The following SH2B2 variants were observed in gnomAD, a reference collection of about 807,000 sequenced individuals.
SH2B2 encodes the protein SH2B adapter protein 2.
Under a neutral mutation model 35.7 loss-of-function variants are expected in SH2B2, and 37 were observed. That is an observed-to-expected ratio of 1.04 (90% CI 0.80 to 1.36). The LOEUF (loss-of-function observed/expected upper bound fraction) is 1.36. Among genes scored for constraint, SH2B2 ranks in the 40% most tolerant of loss-of-function variants. The pLI is 0.00. For missense variants in SH2B2, 852 were observed against 817.7 expected (o/e 1.04, Z -0.51); for synonymous variants, 383 against 376.4 (o/e 1.02, Z -0.20).
intron 1 of SH2B2, among the ~76,000 whole-genome samples, chr7:102,298,442 T>G (rs1332950637): frequency 1.3e-5 from 2 of 152,012 alleles, no homozygotes; most frequent in East Asian, 3.8e-4. Context: ...TGTTGTTGTT[T>G]TTGAGACAGA....
chr7:102,310,746 C>T (rs560559601), intron 4 of SH2B2, among the ~76,000 whole-genome samples: 41 of 152,350 alleles, frequency 2.7e-4, no homozygotes, highest in African/African-American at 8.9e-4. Flanking sequence ...CCTCCTCCAC[C>T]GCCCTCCGGA....
chr7:102,319,449 A>G lies in SH2B2; in HGVS notation c.1396-882A>G, dbSNP rs144113062. On this transcript the variant is annotated intron_variant, in intron 7 of 8. Transcript: ENST00000444095. ...TGGGGGGTATCTCACCATGTTGGCC[A>G]GGCTGGTCTTGAACTCCTGACCTCC... Among the ~76,000 whole-genome samples, 12 of 152,244 alleles carry G rather than the reference A, an allele frequency of 7.9e-5. No homozygotes were observed. The East Asian group carries it at 2.1e-3, about 27-fold the overall frequency.
At chr7:102,320,539 G>C (rs782384082) in intron 8 of SH2B2, 37 bp downstream of exon 8, 35 of 1,599,128 alleles carry the variant, frequency 2.2e-5, no homozygotes. Context: ...GATTACTCAA[G>C]AAGACTTCCC....
At chr7:102,299,222 G>A (rs1586575680) in intron 1 of SH2B2, among the ~76,000 whole-genome samples, 1 of 26,754 alleles carries the variant, frequency 3.7e-5, no homozygotes, top group Admixed American at 4.3e-4. Flanking sequence ...TTTTTGAGGT[G>A]GAGTCTGGCT....
intron 4 of SH2B2, among the ~76,000 whole-genome samples, chr7:102,312,510 G>A (rs1255793239): frequency 6.6e-6 from 1 of 152,212 alleles, no homozygotes; most frequent in African/African-American, 2.4e-5. Flanking sequence ...AGCCAGGCCT[G>A]TCTGTCCAGA....
At chr7:102,290,561 G>A (rs1554551627) in intron 1 of SH2B2, among the ~76,000 whole-genome samples, 2 of 152,096 alleles carry the variant, frequency 1.3e-5, no homozygotes, top group South Asian at 2.1e-4. Context: ...CACTGCACCC[G>A]GCCTCCCCTC....
intron 4 of SH2B2, 35 bp downstream of exon 4, chr7:102,308,941 G>A (rs1793508973): frequency 1.3e-6 from 2 of 1,535,980 alleles, no homozygotes; most frequent in African/African-American, 2.7e-5. Context: ...TGGGTGGACA[G>A]GCTGGGTATA....
At chr7:102,309,216 C>T in intron 4 of SH2B2, 1 of 537,822 alleles carries the variant, frequency 1.9e-6, no homozygotes, top group Non-Finnish European at 3.6e-6. Flanking sequence ...GGCAGTGAGT[C>T]CCCAAAGGGC....
intron 1 of SH2B2, among the ~76,000 whole-genome samples, chr7:102,298,577 C>A (rs1563551220): frequency 2.0e-5 from 3 of 152,046 alleles, no homozygotes; most frequent in Non-Finnish European, 4.4e-5. Flanking sequence ...ACATTCAGAT[C>A]AACTTTTTTT....
chr7:102,295,145 C>A (rs1356287978), intron 1 of SH2B2, among the ~76,000 whole-genome samples: 1 of 152,150 alleles, frequency 6.6e-6, no homozygotes, highest in Non-Finnish European at 1.5e-5. Flanking sequence ...GGAGGAAGAG[C>A]TGGGGGCGAC....
At chr7:102,306,507 A>G (rs1230578197) in intron 2 of SH2B2, among the ~76,000 whole-genome samples, 1 of 152,204 alleles carries the variant, frequency 6.6e-6, no homozygotes, top group African/African-American at 2.4e-5. Context: ...TACAGGCATG[A>G]GCCACCATGC....
rs1554558189 is a variant in SH2B2, at chr7:102,320,482, G to A, written c.1547G>A (p.Arg516Gln). 28 of 1,613,420 alleles carry A rather than the reference G, an allele frequency of 1.7e-5. No homozygotes were observed. The highest frequency in any genetic ancestry group is 2.1e-5 in the Non-Finnish European group (25 of 1,179,792). Reference protein sequence around the residue: ...SADITLRSYVRAQDPPPEPGP... With the variant: ...SADITLRSYVQAQDPPPEPGP... The stretch of plus-strand genomic sequence containing the variant: ...GACATCACCCTTCGCAGCTATGTGC[G>A]GGCCCAGGACCCCCCACCAGGTAAG... The change falls in exon 8 of 9, where the codon CGG becomes CAG. Residue 516 changes from arginine (R) to glutamine (Q), a missense_variant. By Grantham distance (43) the Arg-to-Gln change is conservative (BLOSUM62 1). Transcript: ENST00000444095.
chr7:102,315,735 C>T (rs537148319), intron 6 of SH2B2, among the ~76,000 whole-genome samples: 1 of 93,622 alleles, frequency 1.1e-5, no homozygotes, highest in Admixed American at 1.7e-4. Context: ...GAGAGAGACC[C>T]TGTGAAAAGA....
At chr7:102,313,997 G>A (rs1028163195) in intron 4 of SH2B2, among the ~76,000 whole-genome samples, 48 of 152,344 alleles carry the variant, frequency 3.2e-4, no homozygotes, top group African/African-American at 1.2e-3. Context: ...TGGGAAAAAG[G>A]GACTTTTGTT....
intron 1 of SH2B2, among the ~76,000 whole-genome samples, chr7:102,299,197 C>CATTTTTTTTTTT (rs1793047383): frequency 4.1e-5 from 1 of 24,630 alleles, no homozygotes; most frequent in Non-Finnish European, 6.9e-5. Context: ...CCGCGCCTGG[C>CATTTTTTTTTTT]TTTTTTTTTT....
chr7:102,300,874 G>A lies in SH2B2; in HGVS notation c.324G>A (p.Lys108=), dbSNP rs1793139136. ...EPELADTSAL[K]AAPYGHSRSS... ...AGCTCGCGGACACCTCTGCACTCAA[G>A]GCGGCGCCCTACGGCCACTCGCGGA... Residue 108 remains lysine, a synonymous_variant, in exon 2 of 9, where the codon AAG becomes AAA. Coordinates refer to ENST00000444095, the MANE Select transcript of SH2B2 (RefSeq NM_001359228.2). The A allele has an allele frequency of 1.4e-6, 2 of 1,463,088 alleles. No individual in the cohort carries two copies. Among genetic ancestry groups the A allele is most frequent in the African/African-American group, 2.9e-5 (2 of 68,886 alleles). 90.6% of individuals were successfully genotyped at this position (1,463,088 alleles called of 1,614,324 possible). A position where few individuals can be genotyped will look rare whatever the true frequency, so the allele number is the denominator to read the frequency against.
chr7:102,288,294 AGGAGCTTTG>A (rs1792534442), intron 1 of SH2B2, among the ~76,000 whole-genome samples: 1 of 152,056 alleles, frequency 6.6e-6, no homozygotes, highest in Non-Finnish European at 1.5e-5. Flanking sequence ...TTTCAGCTCC[AGGAGCTTTG>A]GGAGAGGTCT....
Position 102,306,678 on chromosome 7 carries a change from G to A in SH2B2, c.730-43G>A, listed in dbSNP as rs781811071. Reference sequence around the variant, plus strand: ...GCGGGGAGGGGATGGAAAGGGTGTCGGGAAATGCTGGGGCCACTCACTATC... The same window carrying A: ...GCGGGGAGGGGATGGAAAGGGTGTCAGGAAATGCTGGGGCCACTCACTATC... On this transcript the variant is annotated intron_variant, in intron 2 of 8. Coordinates refer to ENST00000444095, the MANE Select transcript of SH2B2 (RefSeq NM_001359228.2). The A allele has an allele frequency of 6.3e-5, 90 of 1,428,578 alleles. No individual in the cohort carries two copies. In the Admixed American group the frequency reaches 9.4e-4, roughly 15 times the overall value. 88.5% of individuals were successfully genotyped at this position (1,428,578 alleles called of 1,614,324 possible).
chr7:102,316,538 G>T (rs56033010), intron 6 of SH2B2, among the ~76,000 whole-genome samples: 1,778 of 151,372 alleles, frequency 0.012, 44 homozygotes, highest in African/African-American at 0.041. Context: ...AGTGAGTCGA[G>T]ATCACGCCAC....
Sources: allele counts gnomAD v4.1 joint callset (sites outside exome capture counted in the v4.1 genomes callset), GRCh38; gene constraint gnomAD v4.1.1; transcripts MANE v1.5; gene names NCBI Gene and HGNC (gene_info 2026-07-23, HGNC 2026-07-21).